Variants in LRP1 observed in about 807,000 individuals in gnomAD.
LRP1 encodes LDL receptor related protein 1, also known as prolow-density lipoprotein receptor-related protein 1.
Under a neutral mutation model 541.5 loss-of-function variants are expected in LRP1, and 51 were observed. The ratio of observed to expected loss-of-function variants is 0.09; its 90% CI spans 0.08 to 0.12. The LOEUF (loss-of-function observed/expected upper bound fraction) is 0.12. Ranked by LOEUF, LRP1 falls within the 10% of genes least tolerant of loss-of-function variation. The pLI, the probability that LRP1 is intolerant of heterozygous loss-of-function variation, is 1.00. For synonymous variants in LRP1, 2,219 were observed against 2,470.8 expected, an observed-to-expected ratio of 0.90 and a Z score of 3.02; for missense variants, 3,878 against 6,376.2, an observed-to-expected ratio of 0.61 and a Z score of 13.34.
intron 82 of LRP1, 97 bp downstream of exon 82, chr12:57,210,577 G>A (rs2036889333): frequency 1.6e-5 from 20 of 1,275,282 alleles, no homozygotes; most frequent in South Asian, 1.3e-4. Flanking sequence ...CCCCTGCCTC[G>A]CCTCCAGCCT....
chr12:57,210,528 G>GCCCCCCCCCCCCCCCC, intron 82 of LRP1, 48 bp downstream of exon 82: 1 of 1,483,024 alleles, frequency 6.7e-7, no homozygotes, highest in South Asian at 1.4e-5. Flanking sequence ...CTGGGCCCCA[G>GCCCCCCCCCCCCCCCC]CCCCGCCACC....
Position 57,185,215 on chromosome 12 carries a change from G to C in LRP1, c.6463+10G>C, listed in dbSNP as rs759204237. 6.2e-7 allele frequency: 1 copy of C among 1,614,024 alleles called. No homozygotes were observed. The highest frequency in any genetic ancestry group is 8.5e-7 in the Non-Finnish European group (1 of 1,179,958). Reference sequence around the variant, plus strand: ...CGGGACCGGCAGAAAGGTGAGGCTGGGGCTCTGGGCTGGGGTGGAGAGGTG... The same window carrying C: ...CGGGACCGGCAGAAAGGTGAGGCTGCGGCTCTGGGCTGGGGTGGAGAGGTG... On this transcript the variant is annotated intron_variant, in intron 40 of 88. Transcript: ENST00000243077. The surrounding 1 kb of genome is among the most constrained non-coding windows in gnomAD (Gnocchi z 4.9).
chr12:57,207,601 C>A (rs1195686951), intron 76 of LRP1, among the ~76,000 whole-genome samples: 1 of 151,706 alleles, frequency 6.6e-6, no homozygotes, highest in African/African-American at 2.4e-5. Context: ...GGGCAGGGGG[C>A]AGTCTTAGGA....
intron 6 of LRP1, chr12:57,148,975 T>A (rs1404895194): frequency 6.4e-6 from 4 of 626,764 alleles, no homozygotes; most frequent in Non-Finnish European, 8.6e-6. Context: ...TTATTTATTT[T>A]TTTAGTGTGT....
intron 32 of LRP1, 66 bp from the exon 33 acceptor site, chr12:57,180,601 A>G (rs532555274): frequency 1.2e-6 from 2 of 1,609,676 alleles, no homozygotes; most frequent in Non-Finnish European, 1.7e-6. Flanking sequence ...CTTAGGGCCA[A>G]TGGGCCCTTC....
chr12:57,205,406 C>T lies in LRP1; in HGVS notation c.11391C>T (p.Arg3797=). The T allele has an allele frequency of 6.2e-7, 1 of 1,608,944 alleles. No homozygotes were observed. Among genetic ancestry groups the T allele is most frequent in the Non-Finnish European group, 8.5e-7 (1 of 1,179,624 alleles). The part of the protein sequence containing the change: ...TNASICGDEA[R]CVRTEKAAYC... ...CCAGCATCTGTGGGGACGAGGCACG[C>T]TGCGTGCGCACCGAGAAAGCGGCCT... Residue 3797 remains arginine, a synonymous_variant, in exon 74 of 89, where the codon CGC becomes CGT. Coordinates refer to ENST00000243077, the MANE Select transcript of LRP1 (RefSeq NM_002332.3). The surrounding 1 kb of genome is among the most constrained non-coding windows in gnomAD (Gnocchi z 4.6).
chr12:57,175,316 A>C, intron 22 of LRP1, 144 bp from the exon 23 acceptor site: 1 of 953,824 alleles, frequency 1.0e-6, no homozygotes, highest in Non-Finnish European at 1.6e-6. Context: ...CCTGAAGCTC[A>C]GCAGGAATGG....
At chr12:57,191,849 C>CCG in intron 44 of LRP1, among the ~76,000 whole-genome samples, 1 of 8,110 alleles carries the variant, frequency 1.2e-4, no homozygotes, top group Non-Finnish European at 2.4e-4. Flanking sequence ...CACACACACA[C>CCG]CACACACCAC....
intron 6 of LRP1, chr12:57,146,836 G>C (rs940982032): frequency 6.6e-6 from 1 of 152,340 alleles, no homozygotes; most frequent in African/African-American, 2.4e-5. Context: ...GATGGGGTGG[G>C]ATTGGTGCTA....
Position 57,179,456 on chromosome 12 carries a change from C to T in LRP1, c.4866C>T (p.Tyr1622=), listed in dbSNP as rs771756572. Residue 1622 remains tyrosine (Y), a synonymous_variant, in exon 29 of 89, where the codon TAC becomes TAT. Coordinates refer to ENST00000243077, the MANE Select transcript of LRP1 (RefSeq NM_002332.3). This position sits in a 1 kb window ranked among gnomAD's most constrained non-coding sequence, Gnocchi z 6.8. ...PDIDNVTVLD[Y]DAREQRVYWS... is the part of the protein sequence containing the mutation. Reference sequence around the variant, plus strand: ...TCGACAACGTCACAGTGCTAGACTACGATGCCCGCGAGCAGCGTGTGTACT... The same window carrying T: ...TCGACAACGTCACAGTGCTAGACTATGATGCCCGCGAGCAGCGTGTGTACT... 5.3e-5 allele frequency: 85 copies of T among 1,614,128 alleles called. No individual in the cohort carries two copies. Among genetic ancestry groups the T allele is most frequent in the Admixed American group, 3.7e-4 (22 of 60,012 alleles).
rs929004553 is a variant in LRP1, at chr12:57,201,882, C to T, written c.10571C>T (p.Ser3524Leu). 2 of 1,614,010 alleles carry T rather than the reference C, an allele frequency of 1.2e-6. No homozygotes were observed. The highest frequency in any genetic ancestry group is 1.7e-6 in the Non-Finnish European group (2 of 1,179,994). ...CDGEDDCGDG[S>L]DEPKEECDER... ...GGAGAGGATGACTGTGGGGATGGCT[C>T]GGATGAGCCCAAGGAAGAGTGTGGT... Residue 3524 changes from serine (S) to leucine (L), a missense_variant, in exon 67 of 89, where the codon TCG (serine) becomes TTG (leucine). Physicochemically the swap from Ser to Leu is moderately radical, Grantham distance 145. This residue lies in a region of LRP1 where 278 missense variants were observed against 536.3 expected (regional missense o/e 0.52). Coordinates refer to ENST00000243077, the MANE Select transcript of LRP1 (RefSeq NM_002332.3). This position sits in a 1 kb window ranked among gnomAD's most constrained non-coding sequence, Gnocchi z 6.4.
intron 2 of LRP1, among the ~76,000 whole-genome samples, chr12:57,140,174 A>C (rs774340922): frequency 6.6e-6 from 1 of 152,088 alleles, no homozygotes; most frequent in East Asian, 1.9e-4. Context: ...TCCTGACCTC[A>C]AGTGATCCTC....
Position 57,206,722 on chromosome 12 carries a change from G to A in LRP1, c.11840G>A (p.Arg3947Gln), listed in dbSNP as rs145784157. Residue 3947 changes from arginine to glutamine, a missense_variant, in exon 76 of 89, where the codon CGG becomes CAG. Physicochemically the swap from Arg to Gln is conservative, Grantham distance 43. This residue lies in a region of LRP1 where 871 missense variants were observed against 1,212.4 expected (regional missense o/e 0.72). Coordinates refer to ENST00000243077, the MANE Select transcript of LRP1 (RefSeq NM_002332.3). The surrounding 1 kb of genome is among the most constrained non-coding windows in gnomAD (Gnocchi z 4.7). ...AACCGCCACCGGCGACAGATTGACC[G>A]GGGTGTCACCCACCTCAACGTGAGT... ...TSNRHRRQIDRGVTHLNISGL... is the reference protein window; with the variant it reads ...TSNRHRRQIDQGVTHLNISGL... 4.6e-4 allele frequency: 737 copies of A among 1,612,498 alleles called. No homozygotes were observed. The highest frequency in any genetic ancestry group is 6.4e-4 in the South Asian group (58 of 91,084).
At chr12:57,209,413 A>T (rs555934792) in intron 79 of LRP1, among the ~76,000 whole-genome samples, 1 of 152,166 alleles carries the variant, frequency 6.6e-6, no homozygotes, top group Non-Finnish European at 1.5e-5. Flanking sequence ...TTGTCCATTC[A>T]TTGGTTGGGT....
chr12:57,177,614 G>T lies in LRP1; in HGVS notation c.4361+23G>T. ...CAGGTCAGCACCCTCTGTGCCCTGA[G>T]AAGGCCCAAGTCTGTGGCACCAGGA... On this transcript the variant is annotated intron_variant, in intron 26 of 88. Coordinates refer to ENST00000243077, the MANE Select transcript of LRP1 (RefSeq NM_002332.3). This position sits in a 1 kb window ranked among gnomAD's most constrained non-coding sequence, Gnocchi z 6.8. 6.2e-7 allele frequency: 1 copy of T among 1,612,586 alleles called. No individual in the cohort carries two copies. Among genetic ancestry groups the T allele is most frequent in the Non-Finnish European group, 8.5e-7 (1 of 1,179,436 alleles).
Position 57,145,326 on chromosome 12 carries a change from G to A in LRP1, c.677G>A (p.Ser226Asn). ...GAQVSTITPT[S>N]TRQTTAMDFS... is the part of the protein sequence containing the mutation. The stretch of plus-strand genomic sequence containing the variant: ...CAGGTGTCTACCATCACACCTACGA[G>A]CACGCGGCAGACCACAGCCATGGAC... Residue 226 changes from serine to asparagine, a missense_variant, in exon 6 of 89, where the codon AGC (serine) becomes AAC (asparagine). Ser to Asn is a conservative substitution (Grantham distance 46, BLOSUM62 1). This residue lies in a region of LRP1 where 293 missense variants were observed against 403.7 expected (regional missense o/e 0.73). Transcript: ENST00000243077. 6.2e-7 allele frequency: 1 copy of A among 1,614,112 alleles called. No individual in the cohort carries two copies. The highest frequency in any genetic ancestry group is 8.5e-7 in the Non-Finnish European group (1 of 1,180,040).
rs1353744582 is a variant in LRP1 at position 57,156,328 on chromosome 12, G to A, written c.1417+45G>A. ...CCCTCCAAAGCTGGCTTTACCCCAT[G>A]ATGGCTCTGGGACCTTGGGATCACA... On this transcript the variant is annotated intron_variant, in intron 9 of 88. Coordinates refer to ENST00000243077, the MANE Select transcript of LRP1 (RefSeq NM_002332.3). This position sits in a 1 kb window ranked among gnomAD's most constrained non-coding sequence, Gnocchi z 5.2. 4 of 1,591,158 alleles carry A rather than the reference G, an allele frequency of 2.5e-6. No homozygotes were observed. Among genetic ancestry groups the A allele is most frequent in the Admixed American group, 3.4e-5 (2 of 58,644 alleles).
chr12:57,178,215 G>C lies in LRP1; in HGVS notation c.4362-144G>C. 1 of 954,812 alleles carries C rather than the reference G, an allele frequency of 1.0e-6. No homozygotes were observed. The highest frequency in any genetic ancestry group is 1.5e-6 in the Non-Finnish European group (1 of 650,290). 59.1% of individuals were successfully genotyped at this position (954,812 alleles called of 1,614,324 possible). A position where few individuals can be genotyped will look rare whatever the true frequency, so the allele number is the denominator to read the frequency against. On this transcript the variant is annotated intron_variant, in intron 26 of 88. Transcript: ENST00000243077. The surrounding 1 kb of genome is among the most constrained non-coding windows in gnomAD (Gnocchi z 5.8). The stretch of plus-strand genomic sequence containing the variant: ...CTTGGTCCTTCTGTCTGTCTGCTCT[G>C]GCCAGCAAGGCTTAGGGGAGGGAAT...
Position 57,205,534 on chromosome 12 carries a change from C to G in LRP1, c.11471-24C>G, listed in dbSNP as rs778043512. The G allele has an allele frequency of 5.0e-6, 8 of 1,613,916 alleles. No individual in the cohort carries two copies. Among genetic ancestry groups the G allele is most frequent in the Non-Finnish European group, 5.1e-6 (6 of 1,179,964 alleles). ...GGTGGACACCCCAACTGTGGACTCT[C>G]ATGACCCTCCCTGTAACCCTTAGAC... On this transcript the variant is annotated intron_variant, in intron 74 of 88. Transcript: ENST00000243077. This position sits in a 1 kb window ranked among gnomAD's most constrained non-coding sequence, Gnocchi z 4.6.
Sources: gnomAD v4.1 joint callset for allele counts (sites outside exome capture counted in the v4.1 genomes callset) on GRCh38, gnomAD v4.1.1 for gene constraint, gnomAD v4.1.1 regional missense constraint, Gnocchi (gnomAD v3.1) non-coding constraint, MANE v1.5 for transcripts, NCBI Gene and HGNC (gene_info 2026-07-23, HGNC 2026-07-21) for gene names.